Variants in FHIT observed in about 807,000 individuals in gnomAD.
FHIT encodes fragile histidine triad diadenosine triphosphatase.
FHIT carries 19 observed loss-of-function variants against 17.9 expected under a neutral mutation model. That is an observed-to-expected ratio of 1.06 (90% CI 0.74 to 1.56). FHIT has a LOEUF of 1.56. Ranked by LOEUF, FHIT falls within the 40% of genes most tolerant of loss-of-function variation. The pLI is 0.00. For missense variants in FHIT, 248 were observed against 189.2 expected (o/e 1.31, Z -1.82); for synonymous variants, 81 against 69.7 (o/e 1.16, Z -0.81).
intron 4 of FHIT, among the ~76,000 whole-genome samples, chr3:60,557,742 A>G (rs1338517225): frequency 6.6e-6 from 1 of 152,000 alleles, no homozygotes; most frequent in Non-Finnish European, 1.5e-5. Flanking sequence ...AGCACAACAT[A>G]ATAATTAAAA....
At chr3:60,164,381 T>G (rs1184550666) in intron 5 of FHIT, among the ~76,000 whole-genome samples, 1 of 152,210 alleles carries the variant, frequency 6.6e-6, no homozygotes, top group Non-Finnish European at 1.5e-5. Context: ...GCCATGGCAC[T>G]GCTGGGATGT....
chr3:60,126,952 A>G (rs1300945053), intron 5 of FHIT, among the ~76,000 whole-genome samples: 1 of 152,178 alleles, frequency 6.6e-6, no homozygotes, highest in East Asian at 1.9e-4. Context: ...CCTTTGTTCT[A>G]ACCACCATCT....
intron 5 of FHIT, among the ~76,000 whole-genome samples, chr3:60,435,046 C>G (rs370444578): frequency 1.3e-5 from 2 of 152,064 alleles, no homozygotes; most frequent in Non-Finnish European, 2.9e-5. Context: ...TACAAAGTAT[C>G]CTTATCAGAC....
chr3:59,904,239 AG>A, intron 8 of FHIT, among the ~76,000 whole-genome samples: 1 of 150,676 alleles, frequency 6.6e-6, no homozygotes, highest in East Asian at 1.9e-4. Flanking sequence ...AAAAAAAAAA[AG>A]GGAAATTTAC....
At chr3:61,201,043 T>A (rs1230689063) in intron 1 of FHIT, among the ~76,000 whole-genome samples, 1 of 152,260 alleles carries the variant, frequency 6.6e-6, no homozygotes, top group African/African-American at 2.4e-5. Context: ...TCATCTTTCT[T>A]GCATGCTCTA....
intron 4 of FHIT, among the ~76,000 whole-genome samples, chr3:60,646,996 A>G (rs1553686914): frequency 6.6e-6 from 1 of 152,234 alleles, no homozygotes; most frequent in African/African-American, 2.4e-5. Flanking sequence ...CATGCTCAAG[A>G]AGTGGTCCTA....
chr3:60,668,554 CTTTTTTTTTTTTT>C (rs71092627), intron 4 of FHIT, among the ~76,000 whole-genome samples: 1 of 54,820 alleles, frequency 1.8e-5, no homozygotes, highest in African/African-American at 7.3e-5. Context: ...CCAGCTCATT[CTTTTTTTTTTTTT>C]TTTTTTTTTT....
At chr3:60,007,061 A>G (rs752318405) in intron 7 of FHIT, among the ~76,000 whole-genome samples, 1 of 152,216 alleles carries the variant, frequency 6.6e-6, no homozygotes, top group Non-Finnish European at 1.5e-5. Flanking sequence ...TTCAAGTACC[A>G]TAAACATAGA....
chr3:60,430,664 T>A (rs917669717), intron 5 of FHIT, among the ~76,000 whole-genome samples: 13 of 152,122 alleles, frequency 8.5e-5, no homozygotes, highest in African/African-American at 2.7e-4. Flanking sequence ...GGTATTTTTT[T>A]ATGTCTGTTT....
intron 5 of FHIT, among the ~76,000 whole-genome samples, chr3:60,488,584 T>A (rs2033937488): frequency 6.6e-6 from 1 of 152,128 alleles, no homozygotes; most frequent in Admixed American, 6.6e-5. Context: ...AGGGAGGGCC[T>A]ATGACAGCAG....
At chr3:60,859,499 G>GTTCC (rs1357985268) in intron 3 of FHIT, among the ~76,000 whole-genome samples, 7 of 151,932 alleles carry the variant, frequency 4.6e-5, no homozygotes, top group Non-Finnish European at 2.9e-5. Context: ...AAATGACTGA[G>GTTCC]TTCCGATCAA....
intron 8 of FHIT, among the ~76,000 whole-genome samples, chr3:59,842,215 C>T (rs1031456006): frequency 1.3e-5 from 2 of 152,160 alleles, no homozygotes; most frequent in African/African-American, 4.8e-5. Context: ...CAGATTCATC[C>T]ATATCATAGC....
chr3:60,806,196 TG>T (rs1421499509), intron 4 of FHIT, among the ~76,000 whole-genome samples: 1 of 152,156 alleles, frequency 6.6e-6, no homozygotes, highest in Non-Finnish European at 1.5e-5. Flanking sequence ...GGGATTCAGT[TG>T]GGGGGCTCAG....
chr3:60,811,856 T>C (rs1553736120), intron 4 of FHIT, among the ~76,000 whole-genome samples: 3 of 152,150 alleles, frequency 2.0e-5, no homozygotes, highest in African/African-American at 7.2e-5. Context: ...ATTGTAAAGA[T>C]TTAGAGAGAA....
At chr3:60,589,348 T>C (rs535540569) in intron 4 of FHIT, among the ~76,000 whole-genome samples, 1 of 152,018 alleles carries the variant, frequency 6.6e-6, no homozygotes, top group Non-Finnish European at 1.5e-5. Context: ...TGTATTTGTG[T>C]GAACTCCTCC....
At chr3:61,039,036 G>A (rs1264977771) in intron 3 of FHIT, among the ~76,000 whole-genome samples, 1 of 151,944 alleles carries the variant, frequency 6.6e-6, no homozygotes, top group Non-Finnish European at 1.5e-5. Flanking sequence ...TGCATATTTG[G>A]AAAACTTCCA....
intron 8 of FHIT, among the ~76,000 whole-genome samples, chr3:59,772,226 T>G (rs371999461): frequency 1.3e-5 from 2 of 152,198 alleles, no homozygotes; most frequent in South Asian, 4.1e-4. Flanking sequence ...GAATTTGAAG[T>G]TAGAAGACCT....
chr3:60,080,789 A>G (rs1703246419), intron 5 of FHIT: 1 of 152,196 alleles, frequency 6.6e-6, no homozygotes, highest in Non-Finnish European at 1.5e-5. Context: ...GGTATTACTT[A>G]CCAAGGGTGC....
chr3:59,903,679 G>A (rs926088450), intron 8 of FHIT, among the ~76,000 whole-genome samples: 2 of 152,160 alleles, frequency 1.3e-5, no homozygotes, highest in Non-Finnish European at 2.9e-5. Flanking sequence ...AAGCCCTCGA[G>A]AAGTTTAAAC....
Sources: gnomAD v4.1 joint callset for allele counts (sites outside exome capture counted in the v4.1 genomes callset) on GRCh38, gnomAD v4.1.1 for gene constraint, MANE v1.5 for transcripts, NCBI Gene and HGNC (gene_info 2026-07-23, HGNC 2026-07-21) for gene names.